KCNMA1: variants seen among roughly 807,000 people sequenced by gnomAD.
KCNMA1 encodes the protein Calcium-activated potassium channel subunit alpha-1.
Under a neutral mutation model 140.0 loss-of-function variants are expected in KCNMA1, and 29 were observed. The observed-to-expected ratio is 0.21, with a 90% CI of 0.15 to 0.28. The LOEUF (loss-of-function observed/expected upper bound fraction) is 0.28. Among genes scored for constraint, KCNMA1 ranks in the 10% least tolerant of loss-of-function variants. KCNMA1 has a pLI of 1.00. For missense variants in KCNMA1, 880 were observed against 1,602.2 expected (o/e 0.55, Z 7.70); for synonymous variants, 612 against 611.9 (o/e 1.00, Z 0.00).
chr10:76,879,565 T>G (rs1356986466), intron 29 of KCNMA1, among the ~76,000 whole-genome samples: 1 of 152,116 alleles, frequency 6.6e-6, no homozygotes, highest in African/African-American at 2.4e-5. Context: ...TTTATCTTTT[T>G]GTCAAGCAGA....
intron 1 of KCNMA1, among the ~76,000 whole-genome samples, chr10:77,495,730 G>C (rs1448282687): frequency 6.6e-6 from 1 of 152,158 alleles, no homozygotes. Context: ...CCACCATACT[G>C]GTGACTGGCT....
At chr10:77,554,142 G>C (rs1373636302) in intron 1 of KCNMA1, among the ~76,000 whole-genome samples, 1 of 152,112 alleles carries the variant, frequency 6.6e-6, no homozygotes, top group East Asian at 1.9e-4. Context: ...AAGCCAAGCC[G>C]GACTGCCCAC....
In KCNMA1 at chr10:77,613,506, C is replaced by A. The variant is rs112514118; in HGVS notation, c.378+23759G>T. 3.3e-3 allele frequency among the ~76,000 whole-genome samples: 501 copies of A among 152,324 alleles called. 6 individuals are homozygous for A. The highest frequency in any genetic ancestry group is 0.011 in the African/African-American group (475 of 41,574). ...ATTTGGGCCAACTGGTTTTGGCTGCCAAGGGAGCCCTCCTTATAGGAGGCG... is the reference window on the plus strand; with the variant it reads ...ATTTGGGCCAACTGGTTTTGGCTGCAAAGGGAGCCCTCCTTATAGGAGGCG... On this transcript the variant is annotated intron_variant, in intron 1 of 27. Coordinates refer to ENST00000286628, the MANE Select transcript of KCNMA1 (RefSeq NM_001161352.2).
intron 1 of KCNMA1, among the ~76,000 whole-genome samples, chr10:77,456,541 T>C (rs1421760866): frequency 6.6e-6 from 1 of 152,202 alleles, no homozygotes; most frequent in East Asian, 1.9e-4. Context: ...ATCAGTGCCA[T>C]ATCCCCGGCA....
chr10:77,244,085 G>C (rs956406874), intron 3 of KCNMA1, among the ~76,000 whole-genome samples: 1 of 152,194 alleles, frequency 6.6e-6, no homozygotes, highest in Admixed American at 6.5e-5. Flanking sequence ...CAATGAGTAG[G>C]TTATCATGTC....
intron 25 of KCNMA1, among the ~76,000 whole-genome samples, chr10:76,894,480 A>T (rs2041630230): frequency 6.6e-6 from 1 of 152,210 alleles, no homozygotes; most frequent in Non-Finnish European, 1.5e-5. Flanking sequence ...ATTAAATTGG[A>T]CTTCATAAAA....
At chr10:77,268,611 G>A (rs1454815772) in intron 2 of KCNMA1, among the ~76,000 whole-genome samples, 2 of 152,074 alleles carry the variant, frequency 1.3e-5, no homozygotes, top group African/African-American at 4.8e-5. Flanking sequence ...ATGGGAAGTG[G>A]CATCCGCAGG....
intron 18 of KCNMA1, among the ~76,000 whole-genome samples, chr10:77,008,633 TA>T (rs1414698619): frequency 6.6e-6 from 1 of 152,106 alleles, no homozygotes; most frequent in African/African-American, 2.4e-5. Flanking sequence ...AATGAGGAGC[TA>T]GGGGTGGAAG....
chr10:77,440,914 G>A (rs1435238953), intron 1 of KCNMA1, among the ~76,000 whole-genome samples: 1 of 152,170 alleles, frequency 6.6e-6, no homozygotes, highest in Non-Finnish European at 1.5e-5. Flanking sequence ...CGCCTCCCGG[G>A]TTCACGCCAT....
chr10:76,900,365 C>T (rs185925303), intron 25 of KCNMA1, among the ~76,000 whole-genome samples: 91 of 152,112 alleles, frequency 6.0e-4, no homozygotes, highest in Non-Finnish European at 1.1e-3. Flanking sequence ...AAAAATAATG[C>T]ATACCTGAAC....
chr10:77,382,841 G>A lies in KCNMA1; in HGVS notation c.540+21021C>T, dbSNP rs184904082. On this transcript the variant is annotated intron_variant, in intron 2 of 27. Transcript: ENST00000286628. The stretch of plus-strand genomic sequence containing the variant: ...GATCACACCATTGCATTCCAGCCTG[G>A]GAGACAAGAGCAAAGCTCCGTCTCA... 1.1e-3 allele frequency among the ~76,000 whole-genome samples: 140 copies of A among 122,352 alleles called. 1 individual carries two copies. Among genetic ancestry groups the A allele is most frequent in the African/African-American group, 4.3e-3 (134 of 31,144 alleles). The allele number at this position is 122,352 out of a possible 152,430, so 80.3% of individuals were successfully genotyped here.
intron 2 of KCNMA1, among the ~76,000 whole-genome samples, chr10:77,261,975 G>A (rs983257295): frequency 6.6e-5 from 10 of 152,166 alleles, no homozygotes; most frequent in Non-Finnish European, 1.0e-4. Context: ...CTTCTGTAGC[G>A]TAGTCAGGTC....
chr10:77,389,465 AG>A (rs1031867799), intron 2 of KCNMA1, among the ~76,000 whole-genome samples: 11 of 152,154 alleles, frequency 7.2e-5, no homozygotes, highest in African/African-American at 2.7e-4. Flanking sequence ...TTCAGTCAAA[AG>A]CAATACAAAG....
At chr10:77,203,423 C>T (rs1460210620) in intron 3 of KCNMA1, among the ~76,000 whole-genome samples, 5 of 152,198 alleles carry the variant, frequency 3.3e-5, no homozygotes, top group South Asian at 2.1e-4. Flanking sequence ...CTGCCTCCTC[C>T]AGAAAGCCTC....
chr10:77,572,907 G>A (rs1393464453), intron 1 of KCNMA1, among the ~76,000 whole-genome samples: 2 of 151,882 alleles, frequency 1.3e-5, no homozygotes, highest in African/African-American at 4.8e-5. Context: ...TGAGGTTTGG[G>A]CTGCACATCA....
intron 1 of KCNMA1, among the ~76,000 whole-genome samples, chr10:77,510,181 C>T (rs1385546197): frequency 6.6e-6 from 1 of 152,132 alleles, no homozygotes; most frequent in East Asian, 1.9e-4. Flanking sequence ...TAAGCAATGT[C>T]ACCTTCCTGG....
At chr10:77,018,010 A>G (rs1483205373) in intron 17 of KCNMA1, among the ~76,000 whole-genome samples, 1 of 152,204 alleles carries the variant, frequency 6.6e-6, no homozygotes, top group African/African-American at 2.4e-5. Flanking sequence ...AGAAAAGGAA[A>G]GACCAGTTCC....
intron 14 of KCNMA1, among the ~76,000 whole-genome samples, chr10:77,065,061 A>G (rs2095877593): frequency 6.6e-6 from 1 of 152,240 alleles, no homozygotes; most frequent in Non-Finnish European, 1.5e-5. Flanking sequence ...GGTCCCACCC[A>G]GCTGTCTGTA....
At chr10:77,442,703 C>CT (rs1375759863) in intron 1 of KCNMA1, among the ~76,000 whole-genome samples, 14 of 152,092 alleles carry the variant, frequency 9.2e-5, no homozygotes, top group Admixed American at 9.2e-4. Flanking sequence ...CAGCTTTTCT[C>CT]TGAGTCCAAC....
Sources: allele counts gnomAD v4.1 joint callset (sites outside exome capture counted in the v4.1 genomes callset), GRCh38; gene constraint gnomAD v4.1.1; transcripts MANE v1.5; gene names NCBI Gene and HGNC (gene_info 2026-07-23, HGNC 2026-07-21).